SULT4A1: variants seen among roughly 807,000 people sequenced by gnomAD.
SULT4A1 encodes sulfotransferase family 4A member 1.
In SULT4A1, 11 loss-of-function variants were observed where a neutral mutation model predicts 35.2. The observed-to-expected ratio is 0.31, with a 90% CI of 0.20 to 0.52. The LOEUF is 0.52. Ranked by LOEUF, SULT4A1 falls within the 20% of genes least tolerant of loss-of-function variation. The pLI is 0.97. For missense variants in SULT4A1, 271 were observed against 383.7 expected, an observed-to-expected ratio of 0.71 and a Z score of 2.45; for synonymous variants, 152 against 151.8, an observed-to-expected ratio of 1.00 and a Z score of -0.01.
intron 6 of SULT4A1, chr22:43,826,977 G>A (rs910572626): frequency 2.9e-5 from 29 of 985,300 alleles, no homozygotes; most frequent in Non-Finnish European, 3.4e-5. Context: ...TTGGAAAAAC[G>A]AAAGACAGCT....
chr22:43,852,862 T>C (rs1032201046), intron 1 of SULT4A1, among the ~76,000 whole-genome samples: 2 of 151,608 alleles, frequency 1.3e-5, no homozygotes, highest in African/African-American at 4.8e-5. Context: ...GACTTCCCCC[T>C]TGGGTCTCAC....
At chr22:43,846,921 C>T (rs1316747141) in intron 1 of SULT4A1, among the ~76,000 whole-genome samples, 5 of 152,198 alleles carry the variant, frequency 3.3e-5, no homozygotes, top group African/African-American at 4.8e-5. Flanking sequence ...CGCAGGCCAA[C>T]GACCCAGACA....
chr22:43,857,856 C>T (rs931228445), intron 1 of SULT4A1, among the ~76,000 whole-genome samples: 10 of 151,460 alleles, frequency 6.6e-5, no homozygotes, highest in African/African-American at 2.4e-4. Flanking sequence ...CCAAGACCAG[C>T]CTAGGCAACA....
intron 1 of SULT4A1, among the ~76,000 whole-genome samples, chr22:43,861,859 C>T (rs1569505599): frequency 6.6e-6 from 1 of 152,232 alleles, no homozygotes; most frequent in Non-Finnish European, 1.5e-5. Flanking sequence ...GGTTGAGTGA[C>T]CTGTCCAAGG....
intron 1 of SULT4A1, among the ~76,000 whole-genome samples, chr22:43,850,310 CCTTA>C: frequency 6.6e-6 from 1 of 152,308 alleles, no homozygotes; most frequent in South Asian, 2.1e-4. Flanking sequence ...AGCCAAGTTC[CCTTA>C]CTCACAAGCT....
At chr22:43,849,441 C>T (rs1016114433) in intron 1 of SULT4A1, among the ~76,000 whole-genome samples, 1 of 152,192 alleles carries the variant, frequency 6.6e-6, no homozygotes, top group Non-Finnish European at 1.5e-5. Flanking sequence ...TGCCCCCAAT[C>T]CTGTGCTTAT....
chr22:43,859,492 G>A lies in SULT4A1; in HGVS notation c.169+2722C>T, dbSNP rs563895145. Among the ~76,000 whole-genome samples, 192 of 152,344 alleles carry A rather than the reference G, an allele frequency of 1.3e-3. 1 individual carries two copies. Among genetic ancestry groups the A allele is most frequent in the African/African-American group, 4.3e-3 (180 of 41,570 alleles). On this transcript the variant is annotated intron_variant, in intron 1 of 6. Transcript: ENST00000330884. ...TTTGGGGCTGTGCCCCCTCGGGGAC[G>A]AGCACCCAATTCAAATCAACCTGTT... is the stretch of plus-strand genomic sequence containing the variant.
intron 1 of SULT4A1, among the ~76,000 whole-genome samples, chr22:43,846,739 T>TG: frequency 6.6e-6 from 1 of 152,260 alleles, no homozygotes; most frequent in Non-Finnish European, 1.5e-5. Context: ...AACCAGGGTG[T>TG]GGCTGCCTTG....
intron 1 of SULT4A1, among the ~76,000 whole-genome samples, chr22:43,853,587 G>A (rs950400194): frequency 8.5e-5 from 13 of 152,190 alleles, no homozygotes; most frequent in African/African-American, 1.9e-4. Context: ...AGGAAGCTCC[G>A]GCAACCCTGG....
chr22:43,856,817 T>C (rs1413204199), intron 1 of SULT4A1, among the ~76,000 whole-genome samples: 1 of 152,094 alleles, frequency 6.6e-6, no homozygotes, highest in Non-Finnish European at 1.5e-5. Flanking sequence ...CAATTCCTTA[T>C]ACTAATGGCC....
chr22:43,855,373 A>G (rs2049390994), intron 1 of SULT4A1, among the ~76,000 whole-genome samples: 1 of 152,306 alleles, frequency 6.6e-6, no homozygotes, highest in South Asian at 2.1e-4. Flanking sequence ...GGTTGTTCTG[A>G]GGCTTGAGCA....
chr22:43,842,052 G>A (rs1043085673), intron 1 of SULT4A1, 120 bp from the exon 2 acceptor site: 29 of 1,426,996 alleles, frequency 2.0e-5, no homozygotes, highest in African/African-American at 1.4e-4. Context: ...GGCCCAGGGC[G>A]ACTGAGTCTG....
At chr22:43,860,854 A>G (rs1603410628) in intron 1 of SULT4A1, among the ~76,000 whole-genome samples, 1 of 152,114 alleles carries the variant, frequency 6.6e-6, no homozygotes, top group East Asian at 1.9e-4. Flanking sequence ...CGGAGCACCC[A>G]TAAGGCAGGG....
intron 1 of SULT4A1, among the ~76,000 whole-genome samples, 166 bp from the exon 2 acceptor site, chr22:43,842,098 A>G (rs2063435877): frequency 6.6e-6 from 1 of 152,162 alleles, no homozygotes; most frequent in Non-Finnish European, 1.5e-5. Flanking sequence ...CTCAGCCTGA[A>G]TCCCCCGTGC....
intron 2 of SULT4A1, among the ~76,000 whole-genome samples, chr22:43,840,307 G>A (rs925526223): frequency 5.3e-5 from 8 of 151,888 alleles, no homozygotes; most frequent in Non-Finnish European, 1.5e-5. Flanking sequence ...CAGAGGGAAA[G>A]GTGAGGCCAG....
At chr22:43,828,825 CTG>C in intron 6 of SULT4A1, 1 of 463,330 alleles carries the variant, frequency 2.2e-6, no homozygotes, top group Non-Finnish European at 3.8e-6. Flanking sequence ...AGTCAAAACA[CTG>C]TTTGCTTGGA....
At chr22:43,854,927 C>A (rs534356507) in intron 1 of SULT4A1, among the ~76,000 whole-genome samples, 1 of 152,338 alleles carries the variant, frequency 6.6e-6, no homozygotes, top group Non-Finnish European at 1.5e-5. Context: ...AGGCGACAGT[C>A]ATGAGGACTC....
intron 1 of SULT4A1, among the ~76,000 whole-genome samples, chr22:43,852,563 C>T (rs935033022): frequency 6.6e-6 from 1 of 152,022 alleles, no homozygotes; most frequent in East Asian, 1.9e-4. Flanking sequence ...CAGGTGGGAA[C>T]TGCCCCCCAG....
chr22:43,845,406 G>A (rs558400023), intron 1 of SULT4A1, among the ~76,000 whole-genome samples: 6 of 152,304 alleles, frequency 3.9e-5, no homozygotes, highest in South Asian at 2.1e-4. Context: ...TCCGCAGCCC[G>A]TCTCAGCAAG....
Sources: allele counts gnomAD v4.1 joint callset (sites outside exome capture counted in the v4.1 genomes callset), GRCh38; gene constraint gnomAD v4.1.1; transcripts MANE v1.5; gene names NCBI Gene and HGNC (gene_info 2026-07-23, HGNC 2026-07-21).